Variants in TYR observed in about 807,000 individuals in gnomAD.
The protein encoded by TYR is LB24-AB.
In TYR, 58 loss-of-function variants were observed where a neutral mutation model predicts 51.5. The ratio of observed to expected loss-of-function variants is 1.13; its 90% CI spans 0.91 to 1.40. TYR has a LOEUF of 1.40. Ranked by LOEUF, TYR falls within the 40% of genes most tolerant of loss-of-function variation. The probability of loss-of-function intolerance (pLI) is 0.00; values close to 1 mark genes in which losing one functional copy is unlikely to be tolerated. For synonymous variants in TYR, 263 were observed against 235.2 expected, an observed-to-expected ratio of 1.12 and a Z score of -1.08; for missense variants, 732 against 647.4, an observed-to-expected ratio of 1.13 and a Z score of -1.42.
At chr11:89,263,909 C>G (rs1010860680) in intron 3 of TYR, among the ~76,000 whole-genome samples, 1 of 152,056 alleles carries the variant, frequency 6.6e-6, no homozygotes, top group Non-Finnish European at 1.5e-5. Flanking sequence ...ATTAACATGA[C>G]AATACTTTCT....
intron 3 of TYR, among the ~76,000 whole-genome samples, chr11:89,235,206 CG>C (rs1944095676): frequency 6.6e-6 from 1 of 152,024 alleles, no homozygotes; most frequent in African/African-American, 2.4e-5. Context: ...GTGGAGAACA[CG>C]GAACACATGC....
intron 3 of TYR, among the ~76,000 whole-genome samples, chr11:89,247,236 G>A (rs946264881): frequency 5.3e-5 from 8 of 152,136 alleles, no homozygotes; most frequent in East Asian, 3.9e-4. Context: ...TCATGGGTTC[G>A]TGGCAGACAG....
At chr11:89,251,427 T>G (rs1944329463) in intron 3 of TYR, among the ~76,000 whole-genome samples, 1 of 151,888 alleles carries the variant, frequency 6.6e-6, no homozygotes, top group South Asian at 2.1e-4. Context: ...AATGTTATTT[T>G]TATCCTAAAG....
In TYR at chr11:89,210,504, G is replaced by A. The variant is rs115977129; in HGVS notation, c.1037-17319G>A. ...AAACCTACATTTGATTCGTGTACCT[G>A]AAAGTGATGACGAGAATGACCAAGT... On this transcript the variant is annotated intron_variant, in intron 2 of 4. Transcript: ENST00000263321. Among the ~76,000 whole-genome samples, 1,179 of 152,336 alleles carry A rather than the reference G, an allele frequency of 7.7e-3. 14 individuals carry two copies. Among genetic ancestry groups the A allele is most frequent in the African/African-American group, 0.026 (1,085 of 41,572 alleles).
At chr11:89,237,196 CT>C (rs1177950322) in intron 3 of TYR, among the ~76,000 whole-genome samples, 1 of 152,046 alleles carries the variant, frequency 6.6e-6, no homozygotes, top group Non-Finnish European at 1.5e-5. Flanking sequence ...CTGCAGGAAG[CT>C]TTTTTGTTTA....
chr11:89,253,505 T>G (rs1176737756), intron 3 of TYR, among the ~76,000 whole-genome samples: 1 of 151,878 alleles, frequency 6.6e-6, no homozygotes, highest in African/African-American at 2.4e-5. Flanking sequence ...CATCAGTGTT[T>G]TGCAGTTTTC....
chr11:89,219,845 C>T lies in TYR; in HGVS notation c.1037-7978C>T, dbSNP rs556878153. Among the ~76,000 whole-genome samples the T allele has an allele frequency of 5.7e-4, 86 of 152,098 alleles. 2 individuals carry two copies. The highest frequency in any genetic ancestry group is 2.0e-3 in the African/African-American group (84 of 41,490). On this transcript the variant is annotated intron_variant, in intron 2 of 4. Transcript: ENST00000263321. ...GAGAGTAAGAACCAGCATGATAGGG[C>T]CTTTTCTACCCCAAGAGAGTACTCT...
At chr11:89,209,343 C>A (rs955940091) in intron 2 of TYR, among the ~76,000 whole-genome samples, 1 of 152,210 alleles carries the variant, frequency 6.6e-6, no homozygotes, top group African/African-American at 2.4e-5. Flanking sequence ...ACTGCTAGTG[C>A]AGCAGTCTGA....
intron 1 of TYR, among the ~76,000 whole-genome samples, chr11:89,190,795 T>A (rs1036781076): frequency 6.6e-6 from 1 of 151,890 alleles, no homozygotes; most frequent in Non-Finnish European, 1.5e-5. Context: ...GTATGCCATT[T>A]AAAAAAAAAT....
chr11:89,269,020 ATTACC>A (rs1222196614), intron 3 of TYR, among the ~76,000 whole-genome samples: 1 of 151,934 alleles, frequency 6.6e-6, no homozygotes, highest in Non-Finnish European at 1.5e-5. Flanking sequence ...CATCATTTAT[ATTACC>A]TTAACACTTT....
At chr11:89,229,985 T>C (rs1944025895) in intron 3 of TYR, among the ~76,000 whole-genome samples, 2 of 152,054 alleles carry the variant, frequency 1.3e-5, no homozygotes. Flanking sequence ...AATCTACATA[T>C]TCAATGTAAT....
At chr11:89,252,874 A>C (rs1025559340) in intron 3 of TYR, among the ~76,000 whole-genome samples, 6 of 151,772 alleles carry the variant, frequency 4.0e-5, no homozygotes, top group African/African-American at 1.4e-4. Context: ...TATGTCATTT[A>C]ATTATAGAAA....
intron 3 of TYR, among the ~76,000 whole-genome samples, chr11:89,246,572 C>T (rs1429716298): frequency 1.3e-5 from 2 of 152,100 alleles, no homozygotes; most frequent in South Asian, 2.1e-4. Flanking sequence ...TAGGTGCAAA[C>T]CTGAAACAAT....
intron 3 of TYR, among the ~76,000 whole-genome samples, chr11:89,273,640 C>T (rs1180754174): frequency 1.3e-5 from 2 of 151,818 alleles, no homozygotes; most frequent in East Asian, 1.9e-4. Flanking sequence ...ATTGGGGCTG[C>T]CACAAACCTT....
intron 2 of TYR, among the ~76,000 whole-genome samples, chr11:89,211,815 A>G (rs895852902): frequency 6.6e-6 from 1 of 152,220 alleles, no homozygotes; most frequent in Admixed American, 6.5e-5. Context: ...ACACAACTAC[A>G]TGGAAACTGA....
At chr11:89,188,041 A>G (rs1162288493) in intron 1 of TYR, among the ~76,000 whole-genome samples, 6 of 150,546 alleles carry the variant, frequency 4.0e-5, no homozygotes, top group Non-Finnish European at 7.4e-5. Flanking sequence ...AACATTATAT[A>G]TAATATTTTA....
chr11:89,254,660 A>G (rs1944368012), intron 3 of TYR, among the ~76,000 whole-genome samples: 2 of 151,920 alleles, frequency 1.3e-5, no homozygotes, highest in East Asian at 1.9e-4. Flanking sequence ...CTGTAGCATC[A>G]GTTGTAATAT....
chr11:89,181,633 C>G (rs1943300541), intron 1 of TYR, among the ~76,000 whole-genome samples: 1 of 152,030 alleles, frequency 6.6e-6, no homozygotes, highest in African/African-American at 2.4e-5. Context: ...TTACTTGACC[C>G]CAAAATTGAG....
chr11:89,231,276 T>C (rs1482543715), intron 3 of TYR, among the ~76,000 whole-genome samples: 1 of 148,406 alleles, frequency 6.7e-6, no homozygotes, highest in Non-Finnish European at 1.5e-5. Context: ...AAATTAAAAA[T>C]AAAACTATCA....
Sources: gnomAD v4.1 joint callset for allele counts (sites outside exome capture counted in the v4.1 genomes callset) on GRCh38, gnomAD v4.1.1 for gene constraint, MANE v1.5 for transcripts, NCBI Gene and HGNC (gene_info 2026-07-23, HGNC 2026-07-21) for gene names.